APPL1: variants seen among roughly 807,000 people sequenced by gnomAD.
The protein encoded by APPL1 is DCC-interacting protein 13-alpha.
APPL1 carries 42 observed loss-of-function variants against 106.8 expected under a neutral mutation model. The observed-to-expected ratio is 0.39, with a 90% CI of 0.31 to 0.51. APPL1 has a LOEUF of 0.51. Among genes scored for constraint, APPL1 ranks in the 20% least tolerant of loss-of-function variants. The probability of loss-of-function intolerance (pLI) is 0.75; values close to 1 mark genes in which losing one functional copy is unlikely to be tolerated. For missense variants in APPL1, 769 were observed against 858.2 expected (o/e 0.90, Z 1.30); for synonymous variants, 263 against 281.8 (o/e 0.93, Z 0.67).
intron 2 of APPL1, 51 bp downstream of exon 2, chr3:57,235,715 C>A: frequency 7.6e-7 from 1 of 1,313,204 alleles, no homozygotes; most frequent in Non-Finnish European, 1.1e-6. Context: ...ATCTTTAAGC[C>A]TCATGAGGAC....
chr3:57,232,339 T>C (rs900553915), intron 1 of APPL1, among the ~76,000 whole-genome samples: 2 of 152,208 alleles, frequency 1.3e-5, no homozygotes, highest in African/African-American at 4.8e-5. Flanking sequence ...TTAGAGTTGA[T>C]GGTATATTAA....
At chr3:57,230,694 G>A in intron 1 of APPL1, 4 of 408,298 alleles carry the variant, frequency 9.8e-6, no homozygotes, top group Non-Finnish European at 2.0e-5. Context: ...TTTCTTCTCA[G>A]TTTGAACTAT....
Position 57,267,701 on chromosome 3 carries a change from GTGAGAACTGCCTGAATTTTTCATACT to G in APPL1, c.1843-39_1843-14del. Reference sequence around the variant, plus strand: ...GGATACTTGACATTTTTGCTTTGTTGTGAGAACTGCCTGAATTTTTCATACTTTTTCTCTTTTTAGATATGTGATTC... The same window carrying G: ...GGATACTTGACATTTTTGCTTTGTTGTTTTCTCTTTTTAGATATGTGATTC... On this transcript the variant is annotated splice_polypyrimidine_tract_variant and intron_variant, in intron 19 of 21. Coordinates refer to ENST00000288266, the MANE Select transcript of APPL1 (RefSeq NM_012096.3). 3 of 1,587,742 alleles carry G rather than the reference GTGAGAACTGCCTGAATTTTTCATACT, an allele frequency of 1.9e-6. No homozygotes were observed. Among genetic ancestry groups the G allele is most frequent in the Non-Finnish European group, 2.6e-6 (3 of 1,157,154 alleles).
Position 57,252,265 on chromosome 3 carries a change from C to T in APPL1, c.1053-4C>T. On this transcript the variant is annotated splice_polypyrimidine_tract_variant and splice_region_variant and intron_variant, in intron 11 of 21. Coordinates refer to ENST00000288266, the MANE Select transcript of APPL1 (RefSeq NM_012096.3). ...TTGAGGCTCAAACGTCTCTTCTCTT[C>T]CAGATCTTCAATTTTGCAAGCAGAG... 6.2e-7 allele frequency: 1 copy of T among 1,608,134 alleles called. No individual in the cohort carries two copies. The highest frequency in any genetic ancestry group is 8.5e-7 in the Non-Finnish European group (1 of 1,177,478).
At chr3:57,251,724 C>G (rs540661975) in intron 11 of APPL1, among the ~76,000 whole-genome samples, 1 of 151,752 alleles carries the variant, frequency 6.6e-6, no homozygotes, top group Admixed American at 6.6e-5. Flanking sequence ...TTACTTTTTG[C>G]TTAATGCTTA....
chr3:57,240,583 T>C (rs755899085), intron 5 of APPL1, 31 bp downstream of exon 5: 5 of 1,569,082 alleles, frequency 3.2e-6, no homozygotes, highest in Middle Eastern at 1.7e-4. Flanking sequence ...TTTACTTTCA[T>C]TGGCTGTGAG....
At chr3:57,235,153 G>A (rs1223474646) in intron 1 of APPL1, among the ~76,000 whole-genome samples, 6 of 152,176 alleles carry the variant, frequency 3.9e-5, no homozygotes, top group African/African-American at 1.4e-4. Flanking sequence ...GATTAGGACA[G>A]GAAGGGGTTT....
intron 4 of APPL1, among the ~76,000 whole-genome samples, chr3:57,239,470 T>C (rs977809928): frequency 5.9e-5 from 9 of 152,228 alleles, no homozygotes; most frequent in African/African-American, 2.2e-4. Flanking sequence ...CTTCATTCCT[T>C]TTTTGGCTAA....
chr3:57,265,800 C>T (rs1362820435), intron 19 of APPL1, among the ~76,000 whole-genome samples: 1 of 152,030 alleles, frequency 6.6e-6, no homozygotes, highest in Non-Finnish European at 1.5e-5. Flanking sequence ...TTTTGTTTTT[C>T]TGCATTCAGT....
rs1184834011 is a variant in APPL1 at position 57,229,374 on chromosome 3, TG to T, written c.54+1438del. Among the ~76,000 whole-genome samples, 8 of 152,310 alleles carry T rather than the reference TG, an allele frequency of 5.3e-5. No homozygotes were observed. The East Asian group carries it at 1.5e-3, about 29-fold the overall frequency. ...AGACTATAAACGGCTCAGAATGGAT[TG>T]CACACTGCCCTGGAAATGACTTGTG... On this transcript the variant is annotated intron_variant, in intron 1 of 21. Coordinates refer to ENST00000288266, the MANE Select transcript of APPL1 (RefSeq NM_012096.3).
intron 13 of APPL1, among the ~76,000 whole-genome samples, chr3:57,254,658 G>A (rs923567247): frequency 5.3e-5 from 8 of 152,160 alleles, no homozygotes; most frequent in South Asian, 4.2e-4. Context: ...AGAGTCTTGC[G>A]GTGTTGCCCA....
intron 7 of APPL1, among the ~76,000 whole-genome samples, chr3:57,244,158 CTT>C (rs113139356): frequency 1.8e-4 from 26 of 143,396 alleles, no homozygotes; most frequent in Non-Finnish European, 1.7e-4. Context: ...AAAGGTTACA[CTT>C]TTTTTTTTTT....
chr3:57,242,069 G>A (rs773909126), intron 5 of APPL1, 32 bp from the exon 6 acceptor site: 2 of 1,498,248 alleles, frequency 1.3e-6, no homozygotes, highest in African/African-American at 1.4e-5. Context: ...TCATAAATGT[G>A]CCAAACTTAA....
intron 12 of APPL1, 95 bp downstream of exon 12, chr3:57,252,406 A>G (rs2060809530): frequency 1.2e-6 from 1 of 834,518 alleles, no homozygotes; most frequent in Non-Finnish European, 1.8e-6. Flanking sequence ...GAAATTTTGG[A>G]AAATCCTAGT....
intron 19 of APPL1, among the ~76,000 whole-genome samples, chr3:57,265,837 T>C (rs1367309170): frequency 6.6e-6 from 1 of 152,352 alleles, no homozygotes; most frequent in East Asian, 1.9e-4. Flanking sequence ...GTCTGTCATA[T>C]ATGGCTTTTA....
rs767682612 is a variant in APPL1, at chr3:57,247,488, T to G, written c.704+11T>G. 6.5e-7 allele frequency: 1 copy of G among 1,537,176 alleles called. No individual in the cohort carries two copies. The highest frequency in any genetic ancestry group is 1.7e-5 in the Admixed American group (1 of 58,156). ...AACAAGCGTTCAGAAGTAAGTATTTTTTTCCTTAAAATTGAAAATGAAATG... is the reference window on the plus strand; with the variant it reads ...AACAAGCGTTCAGAAGTAAGTATTTGTTTCCTTAAAATTGAAAATGAAATG... On this transcript the variant is annotated intron_variant, in intron 9 of 21. Coordinates refer to ENST00000288266, the MANE Select transcript of APPL1 (RefSeq NM_012096.3).
chr3:57,247,128 A>G (rs577165124), intron 8 of APPL1, among the ~76,000 whole-genome samples: 1 of 152,356 alleles, frequency 6.6e-6, no homozygotes, highest in Admixed American at 6.5e-5. Context: ...TTTATTTTCC[A>G]ATTTTAAAAG....
Position 57,268,506 on chromosome 3 carries a change from TG to T in APPL1, c.1983+21del. ...TGAAAAGGTATACAGTCCTAATGTCTGGATCTTTATGTGTTGTTTGTGAAGA... is the reference window on the plus strand; with the variant it reads ...TGAAAAGGTATACAGTCCTAATGTCTGATCTTTATGTGTTGTTTGTGAAGA... On this transcript the variant is annotated intron_variant, in intron 21 of 21. Transcript: ENST00000288266. 1 of 1,560,066 alleles carries T rather than the reference TG, an allele frequency of 6.4e-7. No individual in the cohort carries two copies. Among genetic ancestry groups the T allele is most frequent in the South Asian group, 1.2e-5 (1 of 81,228 alleles).
rs534569361 is a variant in APPL1, at chr3:57,245,361, G to T, written c.475-715G>T. Among the ~76,000 whole-genome samples the T allele has an allele frequency of 3.3e-5, 5 of 152,250 alleles. No homozygotes were observed. The East Asian group carries it at 9.7e-4, about 29-fold the overall frequency. ...AAGACAAGCAAGTGCAAGAGAGGAA[G>T]ACTGATAGGGAGAGAACCAGGAGGG... On this transcript the variant is annotated intron_variant, in intron 7 of 21. Transcript: ENST00000288266.
Sources: gnomAD v4.1 joint callset for allele counts (sites outside exome capture counted in the v4.1 genomes callset) on GRCh38, gnomAD v4.1.1 for gene constraint, MANE v1.5 for transcripts, NCBI Gene and HGNC (gene_info 2026-07-23, HGNC 2026-07-21) for gene names.